The following RMDN3 variants were observed in gnomAD, a reference collection of about 807,000 sequenced individuals.
RMDN3 encodes regulator of microtubule dynamics 3, also known as regulator of microtubule dynamics protein 3.
In RMDN3, 41 loss-of-function variants were observed where a neutral mutation model predicts 61.8. The ratio of observed to expected loss-of-function variants is 0.66; its 90% CI spans 0.52 to 0.86. RMDN3 has a LOEUF of 0.86. Ranked by LOEUF, RMDN3 falls within the 40% of genes least tolerant of loss-of-function variation. RMDN3 has a pLI of 0.00. For missense variants in RMDN3, 557 were observed against 585.3 expected, an observed-to-expected ratio of 0.95 and a Z score of 0.50; for synonymous variants, 247 against 232.0, an observed-to-expected ratio of 1.06 and a Z score of -0.59.
rs1460280911 is a variant in RMDN3 at position 40,754,675 on chromosome 15, G to A, written c.109C>T (p.Arg37Trp). 3.1e-6 allele frequency: 5 copies of A among 1,614,036 alleles called. No homozygotes were observed. In the East Asian group the frequency reaches 6.7e-5, roughly 22 times the overall value. ...LCLLYSQRWK[R>W]TQRHGRSQSL... The stretch of plus-strand genomic sequence containing the variant: ...TGGCTGCGGCCATGACGCTGGGTCC[G>A]TTTCCATCGCTGGCTGTAAAGGAGG... Residue 37 changes from arginine to tryptophan, a missense_variant, in exon 2 of 13, where the codon CGG (arginine) becomes TGG (tryptophan). Coordinates refer to ENST00000338376, the MANE Select transcript of RMDN3 (RefSeq NM_018145.3).
At chr15:40,744,935 G>A in intron 5 of RMDN3, 42 bp downstream of exon 5, 1 of 1,539,406 alleles carries the variant, frequency 6.5e-7, no homozygotes, top group African/African-American at 1.4e-5. Context: ...AGAGATGGAG[G>A]GAGGGAGGGA....
rs776105230 is a variant in RMDN3, at chr15:40,751,538, G to C, written c.412C>G (p.Arg138Gly). The C allele has an allele frequency of 6.2e-7, 1 of 1,614,178 alleles. No individual in the cohort carries two copies. Among genetic ancestry groups the C allele is most frequent in the Non-Finnish European group, 8.5e-7 (1 of 1,180,032 alleles). The part of the protein sequence containing the change: ...CHMEENQRVA[R>G]RRRFPFVRER... ...CGGACAAACGGAAACCTTCGCCGCC[G>C]AGCCACTCTCTGGTTCTCTTCCATG... Residue 138 changes from arginine (R) to glycine (G), a missense_variant, in exon 4 of 13, where the codon CGG (arginine) becomes GGG (glycine). Transcript: ENST00000338376.
In RMDN3 at chr15:40,736,338, C is replaced by T. The variant is rs547869415; in HGVS notation, c.*203G>A. 180 of 520,578 alleles carry T rather than the reference C, an allele frequency of 3.5e-4. No individual in the cohort carries two copies. Among genetic ancestry groups the T allele is most frequent in the African/African-American group, 3.1e-3 (155 of 50,770 alleles). The allele number at this position is 520,578 out of a possible 1,614,324, so 32.2% of individuals were successfully genotyped here. On this transcript the variant is annotated 3_prime_UTR_variant, in exon 13 of 13. Transcript: ENST00000338376. The stretch of plus-strand genomic sequence containing the variant: ...TACTCAAGGGAGAGAACAACAGAAA[C>T]GGAAGCCATGAGTACTGCCCCAATT...
intron 4 of RMDN3, 66 bp downstream of exon 4, chr15:40,751,360 T>C: frequency 6.4e-7 from 1 of 1,566,042 alleles, no homozygotes; most frequent in Non-Finnish European, 8.7e-7. Context: ...GAATTTTCCA[T>C]TGATAATACT....
chr15:40,737,171 T>G lies in RMDN3; in HGVS notation c.1312A>C (p.Arg438=), dbSNP rs978860734. Residue 438 remains arginine, a synonymous_variant, in exon 12 of 13, where the codon AGA becomes CGA. Coordinates refer to ENST00000338376, the MANE Select transcript of RMDN3 (RefSeq NM_018145.3). ...YRELGKNSEA[R]WWMKLALELP... ...TCCAGGGCCAACTTCATCCACCATC[T>G]AGCTTCAGAGTTTTTCCCTAGTTCT... 19 of 1,614,118 alleles carry G rather than the reference T, an allele frequency of 1.2e-5. No individual in the cohort carries two copies. The African/African-American group carries it at 2.3e-4, about 19-fold the overall frequency.
In RMDN3 at chr15:40,736,470, T is replaced by TA; in HGVS notation, c.*70dup. 7.0e-7 allele frequency: 1 copy of TA among 1,426,098 alleles called. No homozygotes were observed. Among genetic ancestry groups the TA allele is most frequent in the Non-Finnish European group, 9.9e-7 (1 of 1,010,832 alleles). The allele number at this position is 1,426,098 out of a possible 1,614,324, so 88.3% of individuals were successfully genotyped here. On this transcript the variant is annotated 3_prime_UTR_variant, in exon 13 of 13. Transcript: ENST00000338376. ...GTGGTTTCCTGATCTCAGCAAGGTC[T>TA]AAGGAAAAAAGCCTCCCCGCCCCCC...
chr15:40,750,503 A>G (rs1897775423), intron 4 of RMDN3, among the ~76,000 whole-genome samples: 1 of 151,674 alleles, frequency 6.6e-6, no homozygotes, highest in Admixed American at 6.6e-5. Flanking sequence ...TTATGTAGAG[A>G]CGTGGTCTTG....
At chr15:40,743,089 G>A (rs1897346381) in intron 6 of RMDN3, among the ~76,000 whole-genome samples, 1 of 152,156 alleles carries the variant, frequency 6.6e-6, no homozygotes, top group African/African-American at 2.4e-5. Flanking sequence ...ATATTTGTAA[G>A]GCTGTACTTA....
chr15:40,741,620 A>ATTTTTTTTTTTTTTTTTTTTTT lies in RMDN3; in HGVS notation c.911-1449_911-1428dup, dbSNP rs553262858. On this transcript the variant is annotated intron_variant, in intron 6 of 12. Coordinates refer to ENST00000338376, the MANE Select transcript of RMDN3 (RefSeq NM_018145.3). ...ACTGGAGAAGACACTGCAACATAGG[A>ATTTTTTTTTTTTTTTTTTTTTT]TTTTTTTTTTTTTTTTTTTTTTTTT... Among the ~76,000 whole-genome samples the ATTTTTTTTTTTTTTTTTTTTTT allele has an allele frequency of 1.1e-3, 78 of 71,734 alleles. 9 individuals are homozygous for ATTTTTTTTTTTTTTTTTTTTTT. Among genetic ancestry groups the ATTTTTTTTTTTTTTTTTTTTTT allele is most frequent in the African/African-American group, 3.3e-3 (63 of 19,050 alleles). The allele number at this position is 71,734 out of a possible 152,430, so 47.1% of individuals were successfully genotyped here.
intron 7 of RMDN3, chr15:40,739,804 G>T: frequency 3.1e-6 from 1 of 323,860 alleles, no homozygotes. Context: ...ATGCAGGATA[G>T]GGGAGCTGCA....
Position 40,754,506 on chromosome 15 carries a change from G to A in RMDN3, c.187+91C>T, listed in dbSNP as rs1238420144. The stretch of plus-strand genomic sequence containing the variant: ...GTGAAACCCTAAAGCACTTCTCTCC[G>A]TTACCCTGTCCCACAGTCTCCACCG... On this transcript the variant is annotated intron_variant, in intron 2 of 12. Coordinates refer to ENST00000338376, the MANE Select transcript of RMDN3 (RefSeq NM_018145.3). 8.3e-6 allele frequency: 11 copies of A among 1,324,662 alleles called. No individual in the cohort carries two copies. The Admixed American group carries it at 1.5e-4, about 18-fold the overall frequency. 82.1% of individuals were successfully genotyped at this position (1,324,662 alleles called of 1,614,324 possible). A position where few individuals can be genotyped will look rare whatever the true frequency, so the allele number is the denominator to read the frequency against.
Position 40,752,007 on chromosome 15 carries a change from C to G in RMDN3, c.359G>C (p.Gly120Ala), listed in dbSNP as rs968094286. 9 of 1,613,942 alleles carry G rather than the reference C, an allele frequency of 5.6e-6. No homozygotes were observed. The highest frequency in any genetic ancestry group is 6.8e-6 in the Non-Finnish European group (8 of 1,179,976). Residue 120 changes from glycine (G) to alanine (A), a missense_variant, in exon 3 of 13, where the codon GGG (glycine) becomes GCG (alanine). Transcript: ENST00000338376. ...TCACCGGACCTCCCCAACAATCTCC[C>G]CCGCAAGCCCTCGCAGGCTGCTTCT... ...ELRSSLRGLA[G>A]EIVGEVRCHM...
At chr15:40,746,694 G>C (rs1251868531) in intron 4 of RMDN3, among the ~76,000 whole-genome samples, 2 of 152,172 alleles carry the variant, frequency 1.3e-5, no homozygotes, top group South Asian at 2.1e-4. Flanking sequence ...GGCTCTGGAA[G>C]TGAGCAGCCA....
intron 6 of RMDN3, among the ~76,000 whole-genome samples, chr15:40,742,304 G>C (rs903173961): frequency 2.4e-4 from 37 of 151,378 alleles, no homozygotes; most frequent in Middle Eastern, 3.4e-3. Context: ...CACCACACCT[G>C]GCCACAAATG....
chr15:40,754,683 C>T lies in RMDN3; in HGVS notation c.101G>A (p.Arg34Gln), dbSNP rs1397999690. The T allele has an allele frequency of 1.2e-6, 2 of 1,614,120 alleles. No homozygotes were observed. Among genetic ancestry groups the T allele is most frequent in the African/African-American group, 1.3e-5 (1 of 75,034 alleles). The change falls in exon 2 of 13, where the codon CGA (arginine) becomes CAA (glutamine). Residue 34 changes from arginine (R) to glutamine (Q), a missense_variant. Coordinates refer to ENST00000338376, the MANE Select transcript of RMDN3 (RefSeq NM_018145.3). Reference protein sequence around the residue: ...LGFLCLLYSQRWKRTQRHGRS... With the variant: ...LGFLCLLYSQQWKRTQRHGRS... ...GCCATGACGCTGGGTCCGTTTCCATCGCTGGCTGTAAAGGAGGCACAGGAA... is the reference window on the plus strand; with the variant it reads ...GCCATGACGCTGGGTCCGTTTCCATTGCTGGCTGTAAAGGAGGCACAGGAA...
chr15:40,738,843 T>TTACACAGTAAATCTCTCC (rs1434024190), intron 7 of RMDN3: 2 of 513,602 alleles, frequency 3.9e-6, no homozygotes, highest in Non-Finnish European at 7.0e-6. Flanking sequence ...TAAATCTCTC[T>TTACACAGTAAATCTCTCC]TACACAGTAA....
chr15:40,737,643 G>T lies in RMDN3; in HGVS notation c.1209C>A (p.Leu403=). The T allele has an allele frequency of 6.2e-7, 1 of 1,614,004 alleles. No individual in the cohort carries two copies. The highest frequency in any genetic ancestry group is 8.5e-7 in the Non-Finnish European group (1 of 1,179,918). The change falls in exon 10 of 13, where the codon CTC becomes CTA. Residue 403 remains leucine, a synonymous_variant. Transcript: ENST00000338376. ...SPLSATVEDA[L]QSFLKAEELQ... ...CCTCTCATACCTTTAGGAAGCTCTG[G>T]AGGGCATCTTCCACAGTGGCACTGA...
Position 40,736,514 on chromosome 15 carries a change from C to CAAGTCATG in RMDN3, c.*19_*26dup. 1 of 1,609,716 alleles carries CAAGTCATG rather than the reference C, an allele frequency of 6.2e-7. No homozygotes were observed. ...GCCCCCCCACCTTAAATAGTGGCAT[C>CAAGTCATG]AAGTCATGAAGGCCAGTGAAACGTG... On this transcript the variant is annotated 3_prime_UTR_variant, in exon 13 of 13. Transcript: ENST00000338376.
chr15:40,739,848 A>C, intron 7 of RMDN3, among the ~76,000 whole-genome samples: 1 of 152,170 alleles, frequency 6.6e-6, no homozygotes, highest in Non-Finnish European at 1.5e-5. Flanking sequence ...CAAGAACTCC[A>C]GTTTTGTAGC....
Sources: gnomAD v4.1 joint callset for allele counts (sites outside exome capture counted in the v4.1 genomes callset) on GRCh38, gnomAD v4.1.1 for gene constraint, MANE v1.5 for transcripts, NCBI Gene and HGNC (gene_info 2026-07-23, HGNC 2026-07-21) for gene names.